NADSYN1: variants seen among roughly 807,000 people sequenced by gnomAD.
NADSYN1 encodes glutamine-dependent NAD(+) synthetase.
In NADSYN1, 80 loss-of-function variants were observed where a neutral mutation model predicts 99.3. The ratio of observed to expected loss-of-function variants is 0.81; its 90% CI spans 0.67 to 0.97. NADSYN1 has a LOEUF of 0.97. NADSYN1 is among the 50% of genes least tolerant of loss of function. The pLI is 0.00. For synonymous variants in NADSYN1, 385 were observed against 372.1 expected (o/e 1.03, Z -0.40); for missense variants, 859 against 948.5 (o/e 0.91, Z 1.24).
intron 3 of NADSYN1, among the ~76,000 whole-genome samples, chr11:71,463,037 G>A (rs546300861): frequency 6.6e-6 from 1 of 152,322 alleles, no homozygotes; most frequent in Admixed American, 6.5e-5. Context: ...CCTGTCCCAG[G>A]TGGTGGGTGG....
In NADSYN1 at chr11:71,482,629, G is replaced by A. The variant is rs1260051891; in HGVS notation, c.1151-220G>A. ...TGGAGTCACACGGGCACCTGGGGGT[G>A]TAGACCGGGGTGGAGCCGCACAGGC... is the stretch of plus-strand genomic sequence containing the variant. On this transcript the variant is annotated intron_variant, in intron 13 of 20. Coordinates refer to ENST00000319023, the MANE Select transcript of NADSYN1 (RefSeq NM_018161.5). 67 of 418,438 alleles carry A rather than the reference G, an allele frequency of 1.6e-4. 4 individuals are homozygous for A. Among genetic ancestry groups the A allele is most frequent in the Non-Finnish European group, 2.5e-4 (60 of 238,102 alleles). The allele number at this position is 418,438 out of a possible 1,614,324, so 25.9% of individuals were successfully genotyped here.
intron 14 of NADSYN1, among the ~76,000 whole-genome samples, chr11:71,484,049 ACTGTCAGAG>A (rs1284191763): frequency 6.6e-6 from 1 of 152,160 alleles, no homozygotes; most frequent in South Asian, 2.1e-4. Flanking sequence ...TGCATCTGTC[ACTGTCAGAG>A]CTGTCAGAGC....
intron 19 of NADSYN1, 136 bp downstream of exon 19, chr11:71,497,747 C>A: frequency 8.4e-7 from 1 of 1,195,122 alleles, no homozygotes; most frequent in Non-Finnish European, 1.2e-6. Flanking sequence ...CACAGTAACA[C>A]TTTTCAGTTA....
intron 19 of NADSYN1, 137 bp from the exon 20 acceptor site, chr11:71,498,215 C>T: frequency 2.0e-6 from 2 of 989,862 alleles, no homozygotes; most frequent in Non-Finnish European, 1.5e-6. Context: ...CGGGCATCCC[C>T]CACACCTGCC....
chr11:71,491,212 G>GCCCTGCCTCCCTT (rs1949776762), intron 17 of NADSYN1, among the ~76,000 whole-genome samples: 1 of 152,234 alleles, frequency 6.6e-6, no homozygotes, highest in African/African-American at 2.4e-5. Context: ...TCCCCCGCCT[G>GCCCTGCCTCCCTT]CCCTGCCTCC....
chr11:71,481,898 A>G (rs771595520), intron 12 of NADSYN1, 25 bp from the exon 13 acceptor site: 1 of 1,604,918 alleles, frequency 6.2e-7, no homozygotes, highest in Middle Eastern at 1.7e-4. Context: ...GGCTCTGCTC[A>G]CGCTGTCTGA....
chr11:71,491,929 G>A, intron 18 of NADSYN1, 26 bp downstream of exon 18: 1 of 1,606,436 alleles, frequency 6.2e-7, no homozygotes. Flanking sequence ...TTGCCATGAT[G>A]CTTCCTGCCC....
At chr11:71,491,739 C>T (rs1949780449) in intron 17 of NADSYN1, 95 bp from the exon 18 acceptor site, 12 of 1,152,908 alleles carry the variant, frequency 1.0e-5, no homozygotes, top group Non-Finnish European at 1.4e-5. Context: ...TGGCCGGGAC[C>T]AGCGTACTCG....
Position 71,498,395 on chromosome 11 carries a change from A to T in NADSYN1, c.1937A>T (p.Asn646Ile). ...VKRFFSKYSMNRHKMTTLTPA... is the reference protein window; with the variant it reads ...VKRFFSKYSMIRHKMTTLTPA... The stretch of plus-strand genomic sequence containing the variant: ...CGGTTTTTCTCCAAGTACTCCATGA[A>T]CAGACACAAGATGACCACGCTCACA... Residue 646 changes from asparagine (N) to isoleucine (I), a missense_variant, in exon 20 of 21, where the codon AAC (asparagine) becomes ATC (isoleucine). Transcript: ENST00000319023. 6.2e-7 allele frequency: 1 copy of T among 1,614,236 alleles called. No individual in the cohort carries two copies. The highest frequency in any genetic ancestry group is 8.5e-7 in the Non-Finnish European group (1 of 1,180,048).
Position 71,501,636 on chromosome 11 carries a change from G to T in NADSYN1, c.*284G>T. On this transcript the variant is annotated 3_prime_UTR_variant, in exon 21 of 21. Coordinates refer to ENST00000319023, the MANE Select transcript of NADSYN1 (RefSeq NM_018161.5). ...CGAAGGAAGCCGCCTGGGTAGGAGG[G>T]TTCCAACCGCCGCCCCGTGTGGCAT... 1 of 465,968 alleles carries T rather than the reference G, an allele frequency of 2.1e-6. No individual in the cohort carries two copies. The highest frequency in any genetic ancestry group is 3.8e-6 in the Non-Finnish European group (1 of 261,016). The allele number at this position is 465,968 out of a possible 1,614,324, so 28.9% of individuals were successfully genotyped here.
intron 16 of NADSYN1, among the ~76,000 whole-genome samples, chr11:71,490,251 C>T (rs1456841808): frequency 6.6e-6 from 1 of 152,200 alleles, no homozygotes; most frequent in African/African-American, 2.4e-5. Context: ...GCAGTCAGGG[C>T]TCCCTCAACT....
At chr11:71,467,495 T>C (rs1247576221) in intron 5 of NADSYN1, among the ~76,000 whole-genome samples, 1 of 152,156 alleles carries the variant, frequency 6.6e-6, no homozygotes, top group African/African-American at 2.4e-5. Context: ...GAATAGAAGA[T>C]AAGTGTTCCT....
intron 16 of NADSYN1, among the ~76,000 whole-genome samples, chr11:71,489,571 G>C (rs1007526207): frequency 6.6e-6 from 1 of 152,218 alleles, no homozygotes; most frequent in African/African-American, 2.4e-5. Context: ...GATGGAGACT[G>C]TCATCTCCCC....
In NADSYN1 at chr11:71,482,860, C is replaced by A; in HGVS notation, c.1162C>A (p.Leu388Met). 1 of 1,612,448 alleles carries A rather than the reference C, an allele frequency of 6.2e-7. No individual in the cohort carries two copies. Among genetic ancestry groups the A allele is most frequent in the East Asian group, 2.2e-5 (1 of 44,878 alleles). The change falls in exon 14 of 21, where the codon CTG becomes ATG. Residue 388 changes from leucine (L) to methionine (M), a missense_variant. By Grantham distance (15) the Leu-to-Met change is conservative. Coordinates refer to ENST00000319023, the MANE Select transcript of NADSYN1 (RefSeq NM_018161.5). ...CTGGTGGTTTTCAGATGAGGAAGTG[C>A]TGGCTGATGTCCGCACCATCGTGAA... ...EAVRSGNEEV[L>M]ADVRTIVNQI...
intron 5 of NADSYN1, among the ~76,000 whole-genome samples, chr11:71,471,635 G>A (rs1792231): frequency 0.28 from 42,811 of 152,056 alleles, 6,524 homozygotes; most frequent in South Asian, 0.46. Context: ...CAGCAGCATC[G>A]CCGTCAACAG....
chr11:71,497,769 T>A (rs888860993), intron 19 of NADSYN1, among the ~76,000 whole-genome samples, 158 bp downstream of exon 19: 20 of 152,206 alleles, frequency 1.3e-4, no homozygotes, highest in Non-Finnish European at 2.9e-5. Context: ...TTTTACCCAC[T>A]CTGATCTTCT....
intron 18 of NADSYN1, 143 bp downstream of exon 18, chr11:71,492,046 A>G (rs1949783333): frequency 5.9e-6 from 4 of 681,604 alleles, no homozygotes; most frequent in East Asian, 5.6e-5. Flanking sequence ...CCCAGGGCTC[A>G]GTGTCAGTCA....
intron 13 of NADSYN1, chr11:71,482,634 CCGGGG>C (rs1316189158): frequency 3.9e-5 from 16 of 411,266 alleles, no homozygotes; most frequent in Middle Eastern, 7.1e-4. Flanking sequence ...GGGGTGTAGA[CCGGGG>C]TGGAGCCGCA....
chr11:71,477,550 T>G, intron 9 of NADSYN1: 1 of 815,940 alleles, frequency 1.2e-6, no homozygotes, highest in Non-Finnish European at 1.7e-6. Flanking sequence ...ACACTCGTGT[T>G]TAGCAAGGCA....
Sources: allele counts gnomAD v4.1 joint callset (sites outside exome capture counted in the v4.1 genomes callset), GRCh38; gene constraint gnomAD v4.1.1; transcripts MANE v1.5; gene names NCBI Gene and HGNC (gene_info 2026-07-23, HGNC 2026-07-21).